Variants in OTUD7A observed in about 807,000 individuals in gnomAD.
The protein encoded by OTUD7A is OTU deubiquitinase 7A.
OTUD7A carries 12 observed loss-of-function variants against 65.7 expected under a neutral mutation model. That is an observed-to-expected ratio of 0.18 (90% confidence interval 0.12 to 0.30). OTUD7A has a LOEUF of 0.30. Among genes scored for constraint, OTUD7A ranks in the 10% least tolerant of loss-of-function variants. OTUD7A has a pLI of 1.00. For missense variants in OTUD7A, 1,148 were observed against 1,304.8 expected, an observed-to-expected ratio of 0.88 and a Z score of 1.85; for synonymous variants, 641 against 586.3, an observed-to-expected ratio of 1.09 and a Z score of -1.35.
At chr15:31,548,490 G>A (rs1419132053) in intron 5 of OTUD7A, among the ~76,000 whole-genome samples, 1 of 152,112 alleles carries the variant, frequency 6.6e-6, no homozygotes, top group Admixed American at 6.5e-5. Flanking sequence ...AACTGAGGAG[G>A]TCTCGTGGCA....
At chr15:31,773,996 T>C (rs535459857) in intron 1 of OTUD7A, among the ~76,000 whole-genome samples, 1 of 152,322 alleles carries the variant, frequency 6.6e-6, no homozygotes, top group South Asian at 2.1e-4. Flanking sequence ...TATCAGTCAT[T>C]GAAATGAAGC....
chr15:31,510,482 T>C (rs955247377), intron 8 of OTUD7A, among the ~76,000 whole-genome samples: 1 of 149,662 alleles, frequency 6.7e-6, no homozygotes, highest in Admixed American at 6.7e-5. Context: ...AATATATATA[T>C]GTATGTATAT....
rs2041180212 is a variant in OTUD7A at position 31,483,821 on chromosome 15, C to T, written c.2275G>A (p.Ala759Thr). The change falls in exon 13 of 13, where the codon GCG becomes ACG. Residue 759 changes from alanine (A) to threonine (T), a missense_variant. Physicochemically the swap from Ala to Thr is moderately conservative, Grantham distance 58 (BLOSUM62 0). Coordinates refer to ENST00000307050, the MANE Select transcript of OTUD7A (RefSeq NM_001382637.1). Reference protein sequence around the residue: ...TASPGGGARRASASGPVPGRS... With the variant: ...TASPGGGARRTSASGPVPGRS... ...CCAGGCACTGGTCCGCTGGCGCTCG[C>T]ACGCCGCGCGCCTCCCCCCGGGGAG... The T allele has an allele frequency of 1.0e-6, 1 of 992,836 alleles. No individual in the cohort carries two copies. Among genetic ancestry groups the T allele is most frequent in the African/African-American group, 1.8e-5 (1 of 56,376 alleles). 61.5% of individuals were successfully genotyped at this position (992,836 alleles called of 1,614,324 possible).
At chr15:31,723,252 A>G (rs554342766) in intron 1 of OTUD7A, among the ~76,000 whole-genome samples, 2 of 152,260 alleles carry the variant, frequency 1.3e-5, no homozygotes, top group Admixed American at 1.3e-4. Flanking sequence ...TACTCAGCTG[A>G]TGGCGCAGCT....
intron 1 of OTUD7A, among the ~76,000 whole-genome samples, chr15:31,826,447 G>T (rs1419235577): frequency 6.6e-6 from 1 of 152,188 alleles, no homozygotes; most frequent in Non-Finnish European, 1.5e-5. Flanking sequence ...AAGTCGCTAG[G>T]CTGGACACAG....
chr15:31,582,413 T>G (rs1422983088), intron 3 of OTUD7A, among the ~76,000 whole-genome samples: 6 of 152,160 alleles, frequency 3.9e-5, no homozygotes, highest in African/African-American at 2.4e-5. Flanking sequence ...ACCACCCCAT[T>G]CTACCACTAC....
intron 1 of OTUD7A, among the ~76,000 whole-genome samples, chr15:31,821,303 CT>C (rs57817074): frequency 0.14 from 15,929 of 113,134 alleles, 1,598 homozygotes; most frequent in East Asian, 0.36. Context: ...GCCCAGGTAC[CT>C]TTTTTTTTTT....
intron 3 of OTUD7A, among the ~76,000 whole-genome samples, chr15:31,652,772 A>G (rs1891878548): frequency 6.6e-6 from 1 of 152,254 alleles, no homozygotes; most frequent in Non-Finnish European, 1.5e-5. Context: ...ACCATGAAGA[A>G]ATACCATCAC....
intron 1 of OTUD7A, among the ~76,000 whole-genome samples, chr15:31,820,474 A>G (rs1305724167): frequency 6.6e-6 from 1 of 152,306 alleles, no homozygotes; most frequent in East Asian, 1.9e-4. Context: ...CATTGATGCA[A>G]TCGTTATGGT....
At chr15:31,607,503 AT>A (rs1890271409) in intron 3 of OTUD7A, among the ~76,000 whole-genome samples, 2 of 152,200 alleles carry the variant, frequency 1.3e-5, no homozygotes, top group Non-Finnish European at 2.9e-5. Flanking sequence ...AGGAAAAAAA[AT>A]AAAATCACCC....
At chr15:31,727,995 C>T (rs1384101271) in intron 1 of OTUD7A, among the ~76,000 whole-genome samples, 1 of 152,174 alleles carries the variant, frequency 6.6e-6, no homozygotes, top group Non-Finnish European at 1.5e-5. Context: ...AACGCCAACA[C>T]TTTCCAGGTT....
chr15:31,590,652 C>A (rs1398721639), intron 3 of OTUD7A, among the ~76,000 whole-genome samples: 2 of 152,180 alleles, frequency 1.3e-5, no homozygotes, highest in Non-Finnish European at 2.9e-5. Context: ...TTGGGCTTCA[C>A]ACACTCCATA....
intron 1 of OTUD7A, among the ~76,000 whole-genome samples, chr15:31,785,738 T>G (rs4281674): frequency 0.22 from 33,692 of 152,182 alleles, 3,930 homozygotes; most frequent in Admixed American, 0.29. Flanking sequence ...CCTGCCCTAT[T>G]TAAGCCATAG....
At chr15:31,530,032 A>G (rs1351291549) in intron 6 of OTUD7A, among the ~76,000 whole-genome samples, 1 of 152,156 alleles carries the variant, frequency 6.6e-6, no homozygotes, top group Non-Finnish European at 1.5e-5. Context: ...ATCCTCAATT[A>G]TCCAAATATT....
chr15:31,713,262 A>C (rs1438007635), intron 1 of OTUD7A, among the ~76,000 whole-genome samples: 1 of 152,214 alleles, frequency 6.6e-6, no homozygotes, highest in Non-Finnish European at 1.5e-5. Flanking sequence ...AACATGGAGG[A>C]GCATCTGCAT....
intron 1 of OTUD7A, among the ~76,000 whole-genome samples, chr15:31,715,027 C>G (rs1336308515): frequency 1.3e-5 from 2 of 151,824 alleles, no homozygotes; most frequent in Non-Finnish European, 2.9e-5. Flanking sequence ...TCCCTGCTAC[C>G]TAGGGTGCTG....
At chr15:31,759,566 C>T (rs1460812850) in intron 1 of OTUD7A, among the ~76,000 whole-genome samples, 2 of 152,348 alleles carry the variant, frequency 1.3e-5, no homozygotes, top group Admixed American at 6.5e-5. Flanking sequence ...TGGAGTCTTG[C>T]TCTGTCACCC....
intron 5 of OTUD7A, 140 bp from the exon 6 acceptor site, chr15:31,530,948 C>T: frequency 1.8e-6 from 1 of 561,958 alleles, no homozygotes; most frequent in Non-Finnish European, 3.1e-6. Flanking sequence ...CTACTTCTCT[C>T]CTCAAATAAA....
chr15:31,696,167 G>A (rs1170658893), intron 1 of OTUD7A, among the ~76,000 whole-genome samples: 2 of 142,816 alleles, frequency 1.4e-5, no homozygotes, highest in African/African-American at 2.5e-5. Flanking sequence ...GGGGCTGGGG[G>A]TGGACAGGCA....
Sources: allele counts gnomAD v4.1 joint callset (sites outside exome capture counted in the v4.1 genomes callset), GRCh38; gene constraint gnomAD v4.1.1; transcripts MANE v1.5; gene names NCBI Gene and HGNC (gene_info 2026-07-23, HGNC 2026-07-21).